OPCML: variants seen among roughly 807,000 people sequenced by gnomAD.
The protein encoded by OPCML is opioid-binding protein/cell adhesion molecule.
OPCML carries 13 observed loss-of-function variants against 37.8 expected under a neutral mutation model. That is an observed-to-expected ratio of 0.34 (90% CI 0.22 to 0.55). The LOEUF (loss-of-function observed/expected upper bound fraction) is 0.55, where lower values mean the gene tolerates loss of function less well. Among genes scored for constraint, OPCML ranks in the 20% least tolerant of loss-of-function variants. OPCML has a pLI of 0.91. For synonymous variants in OPCML, 176 were observed against 168.8 expected (o/e 1.04, Z -0.33); for missense variants, 341 against 435.6 (o/e 0.78, Z 1.93).
chr11:133,380,852 T>C lies in OPCML; in HGVS notation c.61+151412A>G, dbSNP rs114373494. Among the ~76,000 whole-genome samples, 717 of 152,268 alleles carry C rather than the reference T, an allele frequency of 4.7e-3. 1 individual carries two copies. Among genetic ancestry groups the C allele is most frequent in the African/African-American group, 0.014 (601 of 41,552 alleles). On this transcript the variant is annotated intron_variant, in intron 1 of 7. Coordinates refer to ENST00000524381, the MANE Select transcript of OPCML (RefSeq NM_001012393.5). Reference sequence around the variant, plus strand: ...GTAAATGTTTGAATCATCTATAAAATCATTTCCAGGACAGGAGTGATGACA... The same window carrying C: ...GTAAATGTTTGAATCATCTATAAAACCATTTCCAGGACAGGAGTGATGACA...
intron 2 of OPCML, among the ~76,000 whole-genome samples, chr11:132,890,645 G>C (rs1186626276): frequency 1.3e-5 from 2 of 149,852 alleles, no homozygotes; most frequent in African/African-American, 4.9e-5. Flanking sequence ...AGGAGATCGA[G>C]ACCATCCTGG....
chr11:132,952,260 G>A (rs1381181296), intron 1 of OPCML, among the ~76,000 whole-genome samples: 1 of 152,122 alleles, frequency 6.6e-6, no homozygotes, highest in Non-Finnish European at 1.5e-5. Flanking sequence ...AACTCAAAAT[G>A]TGTTGTGGTG....
chr11:132,886,988 A>AGTTTTATC (rs1943447720), intron 2 of OPCML, among the ~76,000 whole-genome samples: 1 of 152,038 alleles, frequency 6.6e-6, no homozygotes, highest in Admixed American at 6.5e-5. Flanking sequence ...TCAGAGCCCC[A>AGTTTTATC]GTTTTATCAT....
chr11:133,171,348 T>C (rs1950286262), intron 1 of OPCML, among the ~76,000 whole-genome samples: 1 of 152,168 alleles, frequency 6.6e-6, no homozygotes, highest in Non-Finnish European at 1.5e-5. Flanking sequence ...TCCTAATACC[T>C]GTTATTTGCC....
In OPCML at chr11:133,507,946, CAA is replaced by C. The variant is rs200433156; in HGVS notation, c.61+24316_61+24317del. ...TGGGTGACAGAGTGAAAGTATGTCTCAAAAAAAAAAAAAAAAATCTCAAATGA... is the reference window on the plus strand; with the variant it reads ...TGGGTGACAGAGTGAAAGTATGTCTCAAAAAAAAAAAAAAATCTCAAATGA... On this transcript the variant is annotated intron_variant, in intron 1 of 7. Transcript: ENST00000524381. Among the ~76,000 whole-genome samples the C allele has an allele frequency of 9.1e-3, 902 of 98,742 alleles. 5 individuals carry two copies. The highest frequency in any genetic ancestry group is 0.029 in the African/African-American group (844 of 29,520). The allele number at this position is 98,742 out of a possible 152,430, so 64.8% of individuals were successfully genotyped here. A position where few individuals can be genotyped will look rare whatever the true frequency, so the allele number is the denominator to read the frequency against.
At chr11:133,153,387 A>G (rs1194258757) in intron 1 of OPCML, among the ~76,000 whole-genome samples, 1 of 152,162 alleles carries the variant, frequency 6.6e-6, no homozygotes, top group Non-Finnish European at 1.5e-5. Context: ...CAGCTGCTCA[A>G]ATGGTAGGCT....
intron 1 of OPCML, among the ~76,000 whole-genome samples, chr11:133,167,154 G>A (rs1950218697): frequency 6.6e-6 from 1 of 152,162 alleles, no homozygotes; most frequent in African/African-American, 2.4e-5. Flanking sequence ...TTGGTGGCCG[G>A]CGCTGGAAGG....
At chr11:132,432,527 C>G (rs541372503) in intron 7 of OPCML, among the ~76,000 whole-genome samples, 48 of 152,306 alleles carry the variant, frequency 3.2e-4, no homozygotes, top group Non-Finnish European at 1.8e-4. Flanking sequence ...GCCATTCAGC[C>G]AGCGAGCAGC....
intron 1 of OPCML, among the ~76,000 whole-genome samples, chr11:133,285,614 C>T (rs553474017): frequency 1.3e-5 from 2 of 152,182 alleles, no homozygotes; most frequent in South Asian, 2.1e-4. Context: ...AGGAGTGCTA[C>T]GTCTCCAATT....
chr11:132,962,027 C>T (rs968946348), intron 1 of OPCML, among the ~76,000 whole-genome samples: 1 of 152,230 alleles, frequency 6.6e-6, no homozygotes, highest in Non-Finnish European at 1.5e-5. Context: ...GAGTCCAGGA[C>T]ACTTTCTCTT....
intron 1 of OPCML, among the ~76,000 whole-genome samples, chr11:132,998,469 T>C (rs1178950042): frequency 6.6e-6 from 1 of 152,184 alleles, no homozygotes; most frequent in Non-Finnish European, 1.5e-5. Flanking sequence ...TCTAAAGGTG[T>C]CTTATTTTCT....
intron 1 of OPCML, among the ~76,000 whole-genome samples, chr11:133,108,511 G>C (rs1013929469): frequency 6.6e-6 from 1 of 152,082 alleles, no homozygotes; most frequent in African/African-American, 2.4e-5. Flanking sequence ...TTAGAATGTC[G>C]TGCGCTAGAG....
intron 2 of OPCML, among the ~76,000 whole-genome samples, chr11:132,659,452 G>A (rs1941856610): frequency 6.6e-6 from 1 of 152,166 alleles, no homozygotes; most frequent in African/African-American, 2.4e-5. Flanking sequence ...CAGCACACCT[G>A]GAATTAGATG....
chr11:132,515,791 TC>T (rs1473488480), intron 4 of OPCML, among the ~76,000 whole-genome samples: 1 of 152,148 alleles, frequency 6.6e-6, no homozygotes, highest in African/African-American at 2.4e-5. Context: ...CTAGAGTCAT[TC>T]TTCAACCTCG....
At chr11:132,420,526 TA>T in intron 7 of OPCML, 1 of 374,986 alleles carries the variant, frequency 2.7e-6, no homozygotes, top group Non-Finnish European at 3.7e-6. Context: ...AAAAAGTAAA[TA>T]GGTGAAGCTC....
intron 2 of OPCML, among the ~76,000 whole-genome samples, chr11:132,726,484 G>A (rs550606899): frequency 1.0e-3 from 152 of 150,302 alleles, no homozygotes; most frequent in African/African-American, 3.6e-3. Context: ...GATTTAGGTA[G>A]GGACACAGCC....
intron 1 of OPCML, among the ~76,000 whole-genome samples, chr11:133,184,741 C>T (rs1165328867): frequency 6.6e-6 from 1 of 152,128 alleles, no homozygotes; most frequent in African/African-American, 2.4e-5. Flanking sequence ...ATATTGACTG[C>T]AGTTATTAAA....
chr11:132,792,669 G>A (rs2853049), intron 2 of OPCML, among the ~76,000 whole-genome samples: 5 of 152,186 alleles, frequency 3.3e-5, no homozygotes, highest in East Asian at 1.9e-4. Flanking sequence ...GGGCGGAGAG[G>A]GGGTGGCGGA....
At chr11:133,004,255 C>T (rs887603291) in intron 1 of OPCML, 6 of 985,312 alleles carry the variant, frequency 6.1e-6, no homozygotes, top group African/African-American at 1.7e-5. Context: ...GTAACTGCCT[C>T]CTTAGAGGCT....
Sources: gnomAD v4.1 joint callset for allele counts (sites outside exome capture counted in the v4.1 genomes callset) on GRCh38, gnomAD v4.1.1 for gene constraint, MANE v1.5 for transcripts, NCBI Gene and HGNC (gene_info 2026-07-23, HGNC 2026-07-21) for gene names.